ANKRD30A: variants seen among roughly 807,000 people sequenced by gnomAD.
ANKRD30A encodes ankyrin repeat domain-containing protein 30A.
In ANKRD30A, 170 loss-of-function variants were observed where a neutral mutation model predicts 166.3. The observed-to-expected ratio is 1.02, with a 90% CI of 0.90 to 1.16. The LOEUF (loss-of-function observed/expected upper bound fraction) is 1.16. Among genes scored for constraint, ANKRD30A ranks in the 50% most tolerant of loss-of-function variants. The pLI, the probability that ANKRD30A is intolerant of heterozygous loss-of-function variation, is 0.00. For synonymous variants in ANKRD30A, 564 were observed against 508.9 expected, an observed-to-expected ratio of 1.11 and a Z score of -1.46; for missense variants, 1,630 against 1,518.0, an observed-to-expected ratio of 1.07 and a Z score of -1.23.
Position 37,216,184 on chromosome 10 carries a change from C to G in ANKRD30A, c.2873C>G (p.Ser958Ter). 1 of 1,592,442 alleles carries G rather than the reference C, an allele frequency of 6.3e-7. No individual in the cohort carries two copies. The highest frequency in any genetic ancestry group is 8.6e-7 in the Non-Finnish European group (1 of 1,165,738). The part of the protein sequence containing the change: ...MDKISGKLED[S>*]TSLSKILDTV... ...TTGTATCTCCTCCTTGAGACAGATT[C>G]AACTAGCCTATCAAAAATCTTGGAT... The change falls in exon 32 of 36, where the codon TCA becomes TGA. Residue 958 changes from serine (S) to a stop codon, truncating the protein, a stop_gained. Coordinates refer to ENST00000361713, the MANE Select transcript of ANKRD30A (RefSeq NM_052997.3). LOFTEE classifies it high-confidence loss of function.
At chr10:37,178,744 A>G (rs567152142) in intron 24 of ANKRD30A, among the ~76,000 whole-genome samples, 5 of 148,854 alleles carry the variant, frequency 3.4e-5, no homozygotes, top group African/African-American at 1.2e-4. Flanking sequence ...GTCGAATGGG[A>G]AGAATCAAGA....
intron 5 of ANKRD30A, 73 bp from the exon 6 acceptor site, chr10:37,136,534 A>C (rs766017589): frequency 1.5e-5 from 10 of 676,492 alleles, no homozygotes; most frequent in Non-Finnish European, 2.5e-5. Flanking sequence ...TAAGAACTTA[A>C]TAAATTTGGT....
At chr10:37,240,807 G>A in the ANKRD30A span, 1 of 152,060 alleles carries the variant, frequency 6.6e-6, no homozygotes, top group Non-Finnish European at 1.5e-5. Context: ...TTTTAAATGT[G>A]TCATGATATC....
chr10:37,226,598 G>A (rs1843165915), intron 34 of ANKRD30A, among the ~76,000 whole-genome samples: 1 of 151,750 alleles, frequency 6.6e-6, no homozygotes, highest in Non-Finnish European at 1.5e-5. Flanking sequence ...CTCATCAGTT[G>A]ATAGATCTTT....
At position 37,199,744 on chromosome 10, in the gene ANKRD30A, G is replaced by GAATCA. The variant is rs1841468751; in HGVS notation, c.2737_2741dup (p.Lys914AsnfsTer40). Reference sequence around the variant, plus strand: ...TTTTATAGATCAGATGTTCCCTTCAGAATCAAAACAAAAGAAGGTTGAAGA... The same window carrying GAATCA: ...TTTTATAGATCAGATGTTCCCTTCAGAATCAAATCAAAACAAAAGAAGGTTGAAGA... On this transcript the variant is annotated frameshift_variant, in exon 30 of 36. Transcript: ENST00000361713. LOFTEE classifies it high-confidence loss of function. 17 of 1,579,576 alleles carry GAATCA rather than the reference G, an allele frequency of 1.1e-5. No individual in the cohort carries two copies. The East Asian group carries it at 3.6e-4, about 34-fold the overall frequency.
the ANKRD30A span, among the ~76,000 whole-genome samples, chr10:37,259,224 ACTC>A: frequency 1.1e-4 from 16 of 152,088 alleles, no homozygotes; most frequent in African/African-American, 3.9e-4. Flanking sequence ...TATATAAAAA[ACTC>A]CTACAAATCA....
chr10:37,183,458 A>G (rs1485662357), intron 24 of ANKRD30A, among the ~76,000 whole-genome samples: 2 of 146,974 alleles, frequency 1.4e-5, no homozygotes, highest in Non-Finnish European at 3.0e-5. Context: ...GCTCTTGTAT[A>G]TGAAATAATG....
intron 9 of ANKRD30A, 104 bp downstream of exon 9, chr10:37,147,561 A>G: frequency 1.5e-6 from 1 of 650,702 alleles, no homozygotes; most frequent in Non-Finnish European, 2.5e-6. Context: ...CACTAAATAC[A>G]TAACATCGAA....
At chr10:37,154,196 TTCTATTTGC>T (rs1838183168) in intron 13 of ANKRD30A, among the ~76,000 whole-genome samples, 1 of 152,218 alleles carries the variant, frequency 6.6e-6, no homozygotes, top group Non-Finnish European at 1.5e-5. Flanking sequence ...GAGAGCTGTG[TTCTATTTGC>T]AATAGGTGAG....
chr10:37,130,141 A>G, intron 2 of ANKRD30A, 64 bp from the exon 3 acceptor site: 1 of 1,157,154 alleles, frequency 8.6e-7, no homozygotes, highest in Non-Finnish European at 1.1e-6. Flanking sequence ...TATAATTTAT[A>G]ATTTATAATA....
chr10:37,263,773 G>A, the ANKRD30A span, among the ~76,000 whole-genome samples: 1 of 152,220 alleles, frequency 6.6e-6, no homozygotes, highest in South Asian at 2.1e-4. Flanking sequence ...TCTGGTACCA[G>A]TCCATGGCCT....
At chr10:37,139,052 A>G (rs1836921348) in intron 6 of ANKRD30A, among the ~76,000 whole-genome samples, 1 of 152,226 alleles carries the variant, frequency 6.6e-6, no homozygotes, top group Non-Finnish European at 1.5e-5. Flanking sequence ...ACAAGCCAGA[A>G]GAGAGTGGGG....
intron 15 of ANKRD30A, among the ~76,000 whole-genome samples, chr10:37,159,129 G>T (rs7093296): frequency 6.6e-6 from 1 of 152,078 alleles, no homozygotes; most frequent in Non-Finnish European, 1.5e-5. Flanking sequence ...AAAGCATTTG[G>T]CCTTGGTGTC....
intron 17 of ANKRD30A, among the ~76,000 whole-genome samples, chr10:37,163,235 T>C (rs1839069244): frequency 8.4e-6 from 1 of 118,628 alleles, no homozygotes; most frequent in African/African-American, 3.3e-5. Context: ...ATAACCCTTG[T>C]GTTTTAACAT....
At chr10:37,228,099 A>G (rs1046661025) in intron 34 of ANKRD30A, among the ~76,000 whole-genome samples, 1 of 151,996 alleles carries the variant, frequency 6.6e-6, no homozygotes, top group Non-Finnish European at 1.5e-5. Flanking sequence ...TTATAGCTTC[A>G]TACATATTTT....
chr10:37,205,423 G>A (rs1564568127), intron 31 of ANKRD30A, among the ~76,000 whole-genome samples: 2 of 135,370 alleles, frequency 1.5e-5, no homozygotes, highest in South Asian at 2.6e-4. Context: ...CACAGGAAGT[G>A]CAACATCACA....
rs749814708 is a variant in ANKRD30A, at chr10:37,162,775, G to A, written c.1930-1G>A. Reference sequence around the variant, plus strand: ...ATCATTTTGCTTCCAACCCCATTTAGCCTGCCACTGAAATGCAAAAGTCTG... The same window carrying A: ...ATCATTTTGCTTCCAACCCCATTTAACCTGCCACTGAAATGCAAAAGTCTG... On this transcript the variant is annotated splice_acceptor_variant, in intron 16 of 35. Transcript: ENST00000361713. LOFTEE classifies it high-confidence loss of function. The A allele has an allele frequency of 3.1e-6, 5 of 1,613,650 alleles. No homozygotes were observed. In the East Asian group the frequency reaches 8.9e-5, roughly 29 times the overall value.
At chr10:37,179,082 A>G (rs1301692934) in intron 24 of ANKRD30A, among the ~76,000 whole-genome samples, 119 of 141,384 alleles carry the variant, frequency 8.4e-4, no homozygotes, top group African/African-American at 3.0e-3. Flanking sequence ...GCATGTATGT[A>G]TGTTTTTGAC....
rs756060038 is a variant in ANKRD30A, at chr10:37,136,664, C to T, written c.813C>T (p.Thr271=). Residue 271 remains threonine, a synonymous_variant, in exon 6 of 36, where the codon ACC becomes ACT. Transcript: ENST00000361713. ...IRKLSKNHQN[T]NPEGTSAGTP... is the part of the protein sequence containing the mutation. ...AATTATCTAAAAATCATCAAAATAC[C>T]AATCCAGGTAAGACTTCTGATAGTA... 5 of 1,418,002 alleles carry T rather than the reference C, an allele frequency of 3.5e-6. No individual in the cohort carries two copies. Among genetic ancestry groups the T allele is most frequent in the Middle Eastern group, 1.8e-4 (1 of 5,608 alleles). 87.8% of individuals were successfully genotyped at this position (1,418,002 alleles called of 1,614,324 possible). A position where few individuals can be genotyped will look rare whatever the true frequency, so the allele number is the denominator to read the frequency against.
Sources: gnomAD v4.1 joint callset for allele counts (sites outside exome capture counted in the v4.1 genomes callset) on GRCh38, gnomAD v4.1.1 for gene constraint, MANE v1.5 for transcripts, NCBI Gene and HGNC (gene_info 2026-07-23, HGNC 2026-07-21) for gene names.